Variants in MAN1A1 observed in about 807,000 individuals in gnomAD.
MAN1A1 encodes the protein mannosyl-oligosaccharide 1,2-alpha-mannosidase IA.
A neutral mutation model predicts 70.8 loss-of-function variants in MAN1A1; 29 were observed. The ratio of observed to expected loss-of-function variants is 0.41; its 90% CI spans 0.31 to 0.56. The LOEUF is 0.56. Among genes scored for constraint, MAN1A1 ranks in the 20% least tolerant of loss-of-function variants. The probability of loss-of-function intolerance (pLI) is 0.29; values close to 1 mark genes in which losing one functional copy is unlikely to be tolerated. For synonymous variants in MAN1A1, 349 were observed against 330.1 expected, an observed-to-expected ratio of 1.06 and a Z score of -0.62; for missense variants, 747 against 841.3, an observed-to-expected ratio of 0.89 and a Z score of 1.39.
intron 7 of MAN1A1, among the ~76,000 whole-genome samples, chr6:119,203,696 G>A (rs1773778431): frequency 6.6e-6 from 1 of 152,050 alleles, no homozygotes; most frequent in South Asian, 2.1e-4. Context: ...GAACCAGGAG[G>A]AGACCACTGG....
At chr6:119,344,530 G>A (rs546058902) in intron 2 of MAN1A1, among the ~76,000 whole-genome samples, 15 of 152,308 alleles carry the variant, frequency 9.8e-5, no homozygotes, top group African/African-American at 2.9e-4. Context: ...AATGTGTCAC[G>A]GCACAGTGGC....
At chr6:119,335,103 T>G (rs540988678) in intron 2 of MAN1A1, among the ~76,000 whole-genome samples, 1 of 152,302 alleles carries the variant, frequency 6.6e-6, no homozygotes, top group South Asian at 2.1e-4. Context: ...AGTGAGAAAT[T>G]TGGCAACAAC....
chr6:119,243,225 T>G (rs550095459), intron 6 of MAN1A1, among the ~76,000 whole-genome samples: 176 of 152,192 alleles, frequency 1.2e-3, no homozygotes, highest in Non-Finnish European at 2.3e-3. Context: ...CTAGCACCAT[T>G]AAATCAATTT....
At chr6:119,234,080 G>C (rs1434341002) in intron 6 of MAN1A1, among the ~76,000 whole-genome samples, 1 of 152,158 alleles carries the variant, frequency 6.6e-6, no homozygotes, top group African/African-American at 2.4e-5. Flanking sequence ...GTGGTTGTCA[G>C]CAAGTATGCT....
chr6:119,214,098 G>A (rs1774129031), intron 6 of MAN1A1, among the ~76,000 whole-genome samples: 5 of 151,976 alleles, frequency 3.3e-5, no homozygotes, highest in Admixed American at 3.3e-4. Flanking sequence ...CTGAGTAGCT[G>A]GGATTACAGG....
chr6:119,330,744 A>G (rs576970822), intron 2 of MAN1A1, among the ~76,000 whole-genome samples: 1 of 152,148 alleles, frequency 6.6e-6, no homozygotes, highest in South Asian at 2.1e-4. Context: ...GGGGACCTTC[A>G]TACATTCCAT....
intron 5 of MAN1A1, among the ~76,000 whole-genome samples, chr6:119,286,526 C>G (rs1776379674): frequency 6.6e-6 from 1 of 152,006 alleles, no homozygotes. Flanking sequence ...CAGTGGATAA[C>G]TTTTAGGGGG....
chr6:119,225,750 T>C (rs989296484), intron 6 of MAN1A1, among the ~76,000 whole-genome samples: 17 of 152,166 alleles, frequency 1.1e-4, no homozygotes, highest in African/African-American at 3.6e-4. Context: ...CAAAATTTGA[T>C]AAAAAATCTG....
intron 4 of MAN1A1, among the ~76,000 whole-genome samples, chr6:119,291,328 A>G (rs1350344611): frequency 1.3e-5 from 2 of 151,966 alleles, no homozygotes; most frequent in African/African-American, 4.8e-5. Context: ...TGTTAAATCC[A>G]TTAAACCTCT....
chr6:119,250,695 C>T (rs1775296277), intron 5 of MAN1A1, among the ~76,000 whole-genome samples: 5 of 151,244 alleles, frequency 3.3e-5, no homozygotes, highest in Admixed American at 3.3e-4. Context: ...TTACTCCCCA[C>T]CTGCCTCTTC....
intron 4 of MAN1A1, among the ~76,000 whole-genome samples, chr6:119,297,963 C>T (rs1230739022): frequency 6.6e-6 from 1 of 151,736 alleles, no homozygotes; most frequent in Non-Finnish European, 1.5e-5. Context: ...TAGTAGTTGA[C>T]CTCTTTTCAT....
chr6:119,221,462 ATTTTC>A (rs1159933806), intron 6 of MAN1A1, among the ~76,000 whole-genome samples: 1 of 121,180 alleles, frequency 8.3e-6, no homozygotes, highest in South Asian at 2.7e-4. Flanking sequence ...TCAGAGACCC[ATTTTC>A]TTTTCTTTTT....
intron 5 of MAN1A1, among the ~76,000 whole-genome samples, chr6:119,287,021 G>A (rs529236390): frequency 3.3e-5 from 5 of 152,026 alleles, no homozygotes; most frequent in African/African-American, 9.6e-5. Flanking sequence ...CAGTCTTCAC[G>A]GGATATGAAT....
chr6:119,204,231 C>T (rs1269209112), intron 7 of MAN1A1, among the ~76,000 whole-genome samples: 1 of 152,110 alleles, frequency 6.6e-6, no homozygotes, highest in Non-Finnish European at 1.5e-5. Flanking sequence ...CCTACTGGAG[C>T]AGGTTCAAGA....
intron 7 of MAN1A1, among the ~76,000 whole-genome samples, chr6:119,202,293 C>T (rs780151760): frequency 1.3e-5 from 2 of 152,006 alleles, no homozygotes; most frequent in Non-Finnish European, 2.9e-5. Flanking sequence ...AACTAAGACA[C>T]ATATACACAT....
chr6:119,239,439 C>G lies in MAN1A1; in HGVS notation c.992+8821G>C, dbSNP rs1207347910. Among the ~76,000 whole-genome samples the G allele has an allele frequency of 2.6e-5, 4 of 152,254 alleles. No homozygotes were observed. The East Asian group carries it at 5.8e-4, about 22-fold the overall frequency. On this transcript the variant is annotated intron_variant, in intron 6 of 12. Coordinates refer to ENST00000368468, the MANE Select transcript of MAN1A1 (RefSeq NM_005907.4). The stretch of plus-strand genomic sequence containing the variant: ...CAGAACATATCAACTATAACTATTA[C>G]TGCACAAGCAGGAAACATGGAGTAG...
chr6:119,348,345 G>A, intron 2 of MAN1A1, 118 bp downstream of exon 2: 1 of 1,036,432 alleles, frequency 9.6e-7, no homozygotes. Flanking sequence ...TGGTGGAAGG[G>A]GCAAACCTCC....
intron 5 of MAN1A1, among the ~76,000 whole-genome samples, chr6:119,275,988 T>C (rs1481579870): frequency 6.6e-6 from 1 of 152,206 alleles, no homozygotes; most frequent in African/African-American, 2.4e-5. Context: ...ACCCCAGTAC[T>C]GATACTGTGT....
chr6:119,329,856 A>G (rs923433445), intron 2 of MAN1A1, among the ~76,000 whole-genome samples: 1 of 152,190 alleles, frequency 6.6e-6, no homozygotes, highest in Non-Finnish European at 1.5e-5. Context: ...GCACTGAATC[A>G]GCCCCAGTAA....
Sources: allele counts gnomAD v4.1 joint callset (sites outside exome capture counted in the v4.1 genomes callset), GRCh38; gene constraint gnomAD v4.1.1; transcripts MANE v1.5; gene names NCBI Gene and HGNC (gene_info 2026-07-23, HGNC 2026-07-21).